The following TTLL5 variants were observed in gnomAD, a reference collection of about 807,000 sequenced individuals.
TTLL5 encodes tubulin polyglutamylase TTLL5.
In TTLL5, 132 loss-of-function variants were observed where a neutral mutation model predicts 168.4. The observed-to-expected ratio is 0.78, with a 90% CI of 0.68 to 0.91. The LOEUF (loss-of-function observed/expected upper bound fraction) is 0.91, where lower values mean the gene tolerates loss of function less well. Ranked by LOEUF, TTLL5 falls within the 40% of genes least tolerant of loss-of-function variation. The probability of loss-of-function intolerance (pLI) is 0.00; values close to 1 mark genes in which losing one functional copy is unlikely to be tolerated. For synonymous variants in TTLL5, 546 were observed against 558.6 expected, an observed-to-expected ratio of 0.98 and a Z score of 0.32; for missense variants, 1,545 against 1,581.5, an observed-to-expected ratio of 0.98 and a Z score of 0.39.
chr14:75,684,039 G>A (rs1757532480), intron 5 of TTLL5: 3 of 212,480 alleles, frequency 1.4e-5, no homozygotes, highest in South Asian at 1.4e-4. Flanking sequence ...CTCCCAAAGT[G>A]CTGGGATTAC....
chr14:75,708,547 G>C (rs1051260637), intron 9 of TTLL5, among the ~76,000 whole-genome samples: 1 of 151,846 alleles, frequency 6.6e-6, no homozygotes, highest in African/African-American at 2.4e-5. Flanking sequence ...GGATGGTCTC[G>C]ATCTCCTGAC....
At chr14:75,871,278 T>C (rs1595181233) in intron 29 of TTLL5, among the ~76,000 whole-genome samples, 1 of 152,318 alleles carries the variant, frequency 6.6e-6, no homozygotes. Context: ...GAACACGCAG[T>C]AAATGCTTCC....
intron 6 of TTLL5, among the ~76,000 whole-genome samples, chr14:75,698,595 C>T (rs1023462146): frequency 1.3e-5 from 2 of 152,090 alleles, no homozygotes; most frequent in Admixed American, 1.3e-4. Context: ...ATTTTGTTTT[C>T]ATCTTTTCAT....
chr14:75,783,440 G>A lies in TTLL5; in HGVS notation c.2896G>A (p.Gly966Arg). ...TACTGGCCTGCCACGCTGTCGATCA[G>A]GAAGTCACACCATTGGTCCCTTTTC... Reference protein sequence around the residue: ...SPTGLPRCRSGSHTIGPFSSF... With the variant: ...SPTGLPRCRSRSHTIGPFSSF... Residue 966 changes from glycine to arginine, a missense_variant, in exon 26 of 32, where the codon GGA becomes AGA. Physicochemically the swap from Gly to Arg is moderately radical, Grantham distance 125. Transcript: ENST00000298832. 1.8e-5 allele frequency: 29 copies of A among 1,614,186 alleles called. No individual in the cohort carries two copies. Among genetic ancestry groups the A allele is most frequent in the Non-Finnish European group, 2.5e-5 (29 of 1,180,032 alleles).
intron 29 of TTLL5, 21 bp downstream of exon 29, chr14:75,863,883 T>C (rs1304057805): frequency 1.3e-6 from 2 of 1,502,650 alleles, no homozygotes; most frequent in Admixed American, 1.9e-5. Context: ...ATAAGTCTTT[T>C]CCATGTGTTA....
intron 3 of TTLL5, among the ~76,000 whole-genome samples, chr14:75,674,063 C>G (rs1273353650): frequency 1.3e-5 from 2 of 152,080 alleles, no homozygotes; most frequent in African/African-American, 2.4e-5. Flanking sequence ...TTTAGAATAC[C>G]TAACATTTAT....
chr14:75,890,678 C>G (rs916816793), intron 30 of TTLL5, among the ~76,000 whole-genome samples: 1 of 152,104 alleles, frequency 6.6e-6, no homozygotes, highest in Non-Finnish European at 1.5e-5. Context: ...AAAATCGTCT[C>G]CAAAATAGTT....
In TTLL5 at chr14:75,752,972, C is replaced by T. The variant is rs201321781; in HGVS notation, c.1550+17C>T. 20 of 1,608,528 alleles carry T rather than the reference C, an allele frequency of 1.2e-5. No individual in the cohort carries two copies. Among genetic ancestry groups the T allele is most frequent in the East Asian group, 2.2e-5 (1 of 44,782 alleles). On this transcript the variant is annotated intron_variant, in intron 18 of 31. Transcript: ENST00000298832. ...CCAGGACAGGTAGAGATTTGCTAAA[C>T]TTTAAATTTAGGACTAGATCACAAG...
chr14:75,950,315 A>G (rs1052823742), intron 31 of TTLL5, among the ~76,000 whole-genome samples: 4 of 152,252 alleles, frequency 2.6e-5, no homozygotes, highest in African/African-American at 9.6e-5. Flanking sequence ...ATCTTTAAGA[A>G]TACATTAGAG....
intron 30 of TTLL5, among the ~76,000 whole-genome samples, chr14:75,893,218 C>T (rs150522952): frequency 5.9e-5 from 9 of 152,192 alleles, no homozygotes; most frequent in Non-Finnish European, 8.8e-5. Flanking sequence ...GGACAAGCAA[C>T]GCTTTTAGAA....
chr14:75,845,891 TGATAGC>T (rs1595140273), intron 28 of TTLL5, among the ~76,000 whole-genome samples: 1 of 152,112 alleles, frequency 6.6e-6, no homozygotes, highest in East Asian at 1.9e-4. Flanking sequence ...GTTTTTTTGG[TGATAGC>T]GTACAAAGGA....
At position 75,740,372 on chromosome 14, in the gene TTLL5, A is replaced by G. The variant is rs544554811; in HGVS notation, c.1282-4723A>G. On this transcript the variant is annotated intron_variant, in intron 15 of 31. Coordinates refer to ENST00000298832, the MANE Select transcript of TTLL5 (RefSeq NM_015072.5). Reference sequence around the variant, plus strand: ...GGGATTCGAGTTAGGTTTACCAGGCAGTAACCACCAGGAGCATACTTCTTA... The same window carrying G: ...GGGATTCGAGTTAGGTTTACCAGGCGGTAACCACCAGGAGCATACTTCTTA... Among the ~76,000 whole-genome samples the G allele has an allele frequency of 2.0e-5, 3 of 152,286 alleles. No homozygotes were observed. The East Asian group carries it at 5.8e-4, about 29-fold the overall frequency.
At chr14:75,766,412 A>G (rs199628594) in intron 20 of TTLL5, 44 bp downstream of exon 20, 2 of 1,510,616 alleles carry the variant, frequency 1.3e-6, no homozygotes, top group Non-Finnish European at 1.8e-6. Flanking sequence ...GATAACAGCT[A>G]ACTTGTACTG....
At chr14:75,870,256 C>A (rs2030914206) in intron 29 of TTLL5, among the ~76,000 whole-genome samples, 1 of 139,268 alleles carries the variant, frequency 7.2e-6, no homozygotes, top group Non-Finnish European at 1.5e-5. Flanking sequence ...ATCCCAATTA[C>A]CTCAATCTTT....
At chr14:75,882,210 G>T (rs534155359) in intron 29 of TTLL5, among the ~76,000 whole-genome samples, 3 of 152,208 alleles carry the variant, frequency 2.0e-5, no homozygotes, top group African/African-American at 7.2e-5. Flanking sequence ...TAGCCACACT[G>T]ACTCCTCCCC....
At chr14:75,920,163 G>C (rs868507469) in intron 31 of TTLL5, among the ~76,000 whole-genome samples, 4 of 151,994 alleles carry the variant, frequency 2.6e-5, no homozygotes, top group Admixed American at 1.3e-4. Flanking sequence ...AAATGTAAAA[G>C]ACAGCCCACA....
chr14:75,718,040 T>C, intron 10 of TTLL5, 78 bp downstream of exon 10: 1 of 1,308,552 alleles, frequency 7.6e-7, no homozygotes, highest in Admixed American at 1.7e-5. Context: ...AGGTAACATG[T>C]GGCACTGGAG....
chr14:75,746,387 C>T (rs1566586121), intron 17 of TTLL5, among the ~76,000 whole-genome samples: 1 of 152,120 alleles, frequency 6.6e-6, no homozygotes, highest in Admixed American at 6.5e-5. Flanking sequence ...TGTGACCATT[C>T]ATGTACAATT....
At chr14:75,935,040 T>C (rs555300299) in intron 31 of TTLL5, among the ~76,000 whole-genome samples, 2 of 152,346 alleles carry the variant, frequency 1.3e-5, no homozygotes, top group African/African-American at 4.8e-5. Flanking sequence ...TTGGGGACTG[T>C]TGAACCCAAG....
Sources: allele counts gnomAD v4.1 joint callset (sites outside exome capture counted in the v4.1 genomes callset), GRCh38; gene constraint gnomAD v4.1.1; transcripts MANE v1.5; gene names NCBI Gene and HGNC (gene_info 2026-07-23, HGNC 2026-07-21).